Variants in SPIDR observed in about 807,000 individuals in gnomAD.
SPIDR encodes scaffold protein involved in DNA repair.
A neutral mutation model predicts 104.6 loss-of-function variants in SPIDR; 93 were observed. The ratio of observed to expected loss-of-function variants is 0.89; its 90% CI spans 0.75 to 1.06. The LOEUF (loss-of-function observed/expected upper bound fraction) is 1.06, where lower values mean the gene tolerates loss of function less well. Among genes scored for constraint, SPIDR ranks in the 50% least tolerant of loss-of-function variants. SPIDR has a pLI of 0.00. For missense variants in SPIDR, 1,154 were observed against 1,111.2 expected (o/e 1.04, Z -0.55); for synonymous variants, 431 against 416.9 (o/e 1.03, Z -0.41).
chr8:47,376,369 G>A (rs1479484883), intron 5 of SPIDR, among the ~76,000 whole-genome samples: 1 of 152,148 alleles, frequency 6.6e-6, no homozygotes, highest in Non-Finnish European at 1.5e-5. Flanking sequence ...AGCTCCAGAT[G>A]ACAAGGGACC....
chr8:47,607,330 T>C (rs758195817), intron 10 of SPIDR, among the ~76,000 whole-genome samples: 1 of 152,198 alleles, frequency 6.6e-6, no homozygotes, highest in African/African-American at 2.4e-5. Flanking sequence ...TCCATGAGTC[T>C]TAAGTAAACC....
chr8:47,277,317 T>C (rs1345216780), intron 1 of SPIDR, among the ~76,000 whole-genome samples: 1 of 2,428 alleles, frequency 4.1e-4, no homozygotes, highest in Non-Finnish European at 9.6e-4. Flanking sequence ...TTATGTTTGT[T>C]ATGTTATGTT....
intron 8 of SPIDR, among the ~76,000 whole-genome samples, chr8:47,491,407 T>A (rs1484373953): frequency 1.3e-5 from 2 of 152,104 alleles, no homozygotes; most frequent in African/African-American, 2.4e-5. Context: ...ACGGCCATGA[T>A]ATCTGCAGTT....
chr8:47,523,912 C>T (rs1296043229), intron 8 of SPIDR, among the ~76,000 whole-genome samples: 2 of 152,076 alleles, frequency 1.3e-5, no homozygotes, highest in Non-Finnish European at 2.9e-5. Flanking sequence ...TCTGTTTTCC[C>T]GTATGAGGTG....
intron 10 of SPIDR, among the ~76,000 whole-genome samples, chr8:47,626,036 A>T (rs2066035512): frequency 6.6e-6 from 1 of 152,220 alleles, no homozygotes. Context: ...GTACCAAAAC[A>T]GAGATATAGA....
At chr8:47,288,390 A>G (rs913640356) in intron 3 of SPIDR, among the ~76,000 whole-genome samples, 7 of 151,944 alleles carry the variant, frequency 4.6e-5, no homozygotes, top group South Asian at 2.1e-4. Flanking sequence ...GGTTCAAGCA[A>G]TTCTCTGCCT....
chr8:47,400,060 G>A (rs2061676372), intron 6 of SPIDR, among the ~76,000 whole-genome samples: 1 of 152,204 alleles, frequency 6.6e-6, no homozygotes, highest in Admixed American at 6.5e-5. Context: ...GCCTCTAAGG[G>A]TGGCAGGTCA....
intron 19 of SPIDR, chr8:47,729,701 G>T: frequency 1.9e-6 from 1 of 527,030 alleles, no homozygotes; most frequent in Non-Finnish European, 3.3e-6. Context: ...GCAGGAATCT[G>T]TCCCCTGGCT....
At chr8:47,703,918 G>A (rs1442092819) in intron 14 of SPIDR, among the ~76,000 whole-genome samples, 1 of 152,230 alleles carries the variant, frequency 6.6e-6, no homozygotes, top group African/African-American at 2.4e-5. Flanking sequence ...CGGCCACCGA[G>A]TAGGATGCAA....
chr8:47,307,945 T>C (rs1027177576), intron 5 of SPIDR, among the ~76,000 whole-genome samples: 8 of 152,182 alleles, frequency 5.3e-5, no homozygotes, highest in Non-Finnish European at 1.0e-4. Context: ...TTTTTTCTTT[T>C]GAATGTGTCA....
At chr8:47,270,545 T>C (rs1213190424) in intron 1 of SPIDR, among the ~76,000 whole-genome samples, 1 of 152,126 alleles carries the variant, frequency 6.6e-6, no homozygotes, top group Non-Finnish European at 1.5e-5. Flanking sequence ...CCAAACCTCC[T>C]TGGTCAGCCT....
chr8:47,295,676 A>G (rs2040713935), intron 5 of SPIDR, among the ~76,000 whole-genome samples: 1 of 152,132 alleles, frequency 6.6e-6, no homozygotes, highest in Admixed American at 6.6e-5. Context: ...GTGTATATAT[A>G]CTATATTTAC....
Position 47,701,740 on chromosome 8 carries a change from C to T in SPIDR, c.1793C>T (p.Pro598Leu). Reference protein sequence around the residue: ...PCEEIKTHLPPPALCYILTAH... With the variant: ...PCEEIKTHLPLPALCYILTAH... ...AAACAGATAAAAACTCATCTGCCTC[C>T]TCCAGCCTTGTGTTACATCCTCACA... The change falls in exon 13 of 20, where the codon CCT becomes CTT. Residue 598 changes from proline to leucine, a missense_variant. By Grantham distance (98) the Pro-to-Leu change is moderately conservative. Coordinates refer to ENST00000297423, the MANE Select transcript of SPIDR (RefSeq NM_001080394.4). 1 of 1,614,082 alleles carries T rather than the reference C, an allele frequency of 6.2e-7. No homozygotes were observed. Among genetic ancestry groups the T allele is most frequent in the Non-Finnish European group, 8.5e-7 (1 of 1,180,018 alleles).
At chr8:47,471,987 A>T (rs1484921912) in intron 8 of SPIDR, among the ~76,000 whole-genome samples, 1 of 152,206 alleles carries the variant, frequency 6.6e-6, no homozygotes, top group Admixed American at 6.5e-5. Flanking sequence ...TAATCATTAG[A>T]CTTATAAATA....
chr8:47,268,826 A>T (rs2034640091), intron 1 of SPIDR, among the ~76,000 whole-genome samples: 1 of 152,056 alleles, frequency 6.6e-6, no homozygotes, highest in Admixed American at 6.6e-5. Flanking sequence ...TGGTTCTAAT[A>T]ATTTTTTGGG....
At chr8:47,524,855 G>T (rs1564225782) in intron 8 of SPIDR, among the ~76,000 whole-genome samples, 1 of 152,164 alleles carries the variant, frequency 6.6e-6, no homozygotes, top group Non-Finnish European at 1.5e-5. Flanking sequence ...TTTGTACCAA[G>T]GGTGCTGGTC....
intron 7 of SPIDR, among the ~76,000 whole-genome samples, chr8:47,429,858 A>T (rs1344476976): frequency 6.6e-6 from 1 of 151,164 alleles, no homozygotes; most frequent in African/African-American, 2.4e-5. Context: ...TTTAGGATAC[A>T]TGTGCACAAT....
chr8:47,635,131 G>A (rs2067692843), intron 10 of SPIDR, among the ~76,000 whole-genome samples: 1 of 151,914 alleles, frequency 6.6e-6, no homozygotes. Flanking sequence ...TATAATCACA[G>A]CACTGTGGGA....
At chr8:47,482,674 C>T (rs2077030473) in intron 8 of SPIDR, among the ~76,000 whole-genome samples, 3 of 152,144 alleles carry the variant, frequency 2.0e-5, no homozygotes. Flanking sequence ...CCAGTCTATG[C>T]ACTGAGCCCA....
Sources: gnomAD v4.1 joint callset for allele counts (sites outside exome capture counted in the v4.1 genomes callset) on GRCh38, gnomAD v4.1.1 for gene constraint, MANE v1.5 for transcripts, NCBI Gene and HGNC (gene_info 2026-07-23, HGNC 2026-07-21) for gene names.